Variants in SHC4 observed in about 807,000 individuals in gnomAD.
SHC4 encodes SHC-transforming protein 4.
SHC4 carries 41 observed loss-of-function variants against 69.4 expected under a neutral mutation model. The observed-to-expected ratio is 0.59, with a 90% confidence interval of 0.46 to 0.77. The LOEUF (loss-of-function observed/expected upper bound fraction) is 0.77. SHC4 is among the 30% of genes least tolerant of loss of function. SHC4 has a pLI of 0.00. For missense variants in SHC4, 777 were observed against 783.8 expected (o/e 0.99, Z 0.10); for synonymous variants, 318 against 299.3 (o/e 1.06, Z -0.64).
At chr15:48,845,487 A>C (rs1899070560) in intron 9 of SHC4, among the ~76,000 whole-genome samples, 1 of 152,194 alleles carries the variant, frequency 6.6e-6, no homozygotes. Flanking sequence ...TTGCTTAGTT[A>C]AGTGGATTTA....
chr15:48,847,234 T>C (rs1899111032), intron 9 of SHC4, among the ~76,000 whole-genome samples: 1 of 152,120 alleles, frequency 6.6e-6, no homozygotes, highest in Admixed American at 6.6e-5. Flanking sequence ...AGAGAAGATT[T>C]GTAGAGGAAA....
At chr15:48,941,700 T>G (rs1009289862) in intron 1 of SHC4, among the ~76,000 whole-genome samples, 1 of 152,200 alleles carries the variant, frequency 6.6e-6, no homozygotes, top group Non-Finnish European at 1.5e-5. Context: ...CTTTGAAAGT[T>G]GAAGATACAG....
chr15:48,895,824 T>G (rs1177380638), intron 2 of SHC4, among the ~76,000 whole-genome samples: 1 of 152,252 alleles, frequency 6.6e-6, no homozygotes, highest in East Asian at 1.9e-4. Context: ...GGCTCATGCC[T>G]GTAATCCCAC....
chr15:48,838,984 G>C (rs1165982567), intron 10 of SHC4, among the ~76,000 whole-genome samples: 1 of 151,878 alleles, frequency 6.6e-6, no homozygotes, highest in African/African-American at 2.4e-5. Flanking sequence ...AAAGCAAGTA[G>C]AAGGAAAACA....
chr15:48,859,832 G>T (rs1899406119), intron 6 of SHC4, among the ~76,000 whole-genome samples: 1 of 152,138 alleles, frequency 6.6e-6, no homozygotes, highest in African/African-American at 2.4e-5. Context: ...GACCTAAAAA[G>T]TACCCTTGGA....
At chr15:48,894,757 G>A (rs1321105156) in intron 2 of SHC4, among the ~76,000 whole-genome samples, 1 of 152,022 alleles carries the variant, frequency 6.6e-6, no homozygotes, top group Non-Finnish European at 1.5e-5. Flanking sequence ...TTCAGTGAAA[G>A]AACAGCCTCT....
At chr15:48,869,967 C>A (rs1382520183) in intron 5 of SHC4, among the ~76,000 whole-genome samples, 1 of 152,050 alleles carries the variant, frequency 6.6e-6, no homozygotes, top group African/African-American at 2.4e-5. Context: ...ATTTAAAGAA[C>A]TAAAGGCACA....
At chr15:48,954,792 T>C (rs1380281005) in intron 1 of SHC4, among the ~76,000 whole-genome samples, 1 of 152,204 alleles carries the variant, frequency 6.6e-6, no homozygotes, top group Non-Finnish European at 1.5e-5. Flanking sequence ...CCCTAGGCTA[T>C]TGAAATCCAT....
At chr15:48,842,966 C>T (rs886624397) in intron 10 of SHC4, among the ~76,000 whole-genome samples, 1 of 152,002 alleles carries the variant, frequency 6.6e-6, no homozygotes, top group Non-Finnish European at 1.5e-5. Context: ...AAATTCAAGC[C>T]CTAATCCCTG....
At chr15:48,841,842 C>T (rs1422134145) in intron 10 of SHC4, among the ~76,000 whole-genome samples, 3 of 152,232 alleles carry the variant, frequency 2.0e-5, no homozygotes, top group South Asian at 4.1e-4. Context: ...AAAGAGGGAT[C>T]ACTTGTCACC....
chr15:48,936,949 G>A (rs1156396596), intron 1 of SHC4, among the ~76,000 whole-genome samples: 1 of 152,124 alleles, frequency 6.6e-6, no homozygotes, highest in African/African-American at 2.4e-5. Flanking sequence ...CTTGAGCACA[G>A]ACAAAGTCAC....
chr15:48,912,642 T>C (rs1900529689), intron 2 of SHC4, among the ~76,000 whole-genome samples: 1 of 152,144 alleles, frequency 6.6e-6, no homozygotes, highest in South Asian at 2.1e-4. Flanking sequence ...ACTAGTGTGA[T>C]TTTTGGGTGG....
At chr15:48,894,140 T>C (rs1462996674) in intron 2 of SHC4, among the ~76,000 whole-genome samples, 1 of 152,108 alleles carries the variant, frequency 6.6e-6, no homozygotes, top group Non-Finnish European at 1.5e-5. Flanking sequence ...TATGAAGAAG[T>C]CTATATAAAT....
chr15:48,902,341 A>G (rs956890236), intron 2 of SHC4, among the ~76,000 whole-genome samples: 1 of 152,192 alleles, frequency 6.6e-6, no homozygotes, highest in African/African-American at 2.4e-5. Flanking sequence ...TCATGTGTAT[A>G]GTAACGGATG....
At chr15:48,882,741 C>G (rs574984625) in intron 4 of SHC4, among the ~76,000 whole-genome samples, 1 of 152,330 alleles carries the variant, frequency 6.6e-6, no homozygotes, top group East Asian at 1.9e-4. Flanking sequence ...GGCTCCTTTA[C>G]TTAGTGAGAT....
At chr15:48,826,235 C>G in intron 11 of SHC4, 109 bp from the exon 12 acceptor site, 1 of 1,035,038 alleles carries the variant, frequency 9.7e-7, no homozygotes, top group African/African-American at 1.7e-5. Flanking sequence ...AGATACTTTG[C>G]TGAAAAAAGA....
chr15:48,959,496 G>T (rs1196452611), intron 1 of SHC4, among the ~76,000 whole-genome samples: 1 of 152,176 alleles, frequency 6.6e-6, no homozygotes, highest in Non-Finnish European at 1.5e-5. Flanking sequence ...TAGCAAATAA[G>T]TTGGGGCAGG....
chr15:48,879,481 A>C (rs959894196), intron 4 of SHC4: 5 of 167,098 alleles, frequency 3.0e-5, no homozygotes, highest in African/African-American at 1.2e-4. Context: ...CTAGACACTA[A>C]ATGTGTGTGA....
At chr15:48,957,741 T>C (rs1368531015) in intron 1 of SHC4, among the ~76,000 whole-genome samples, 1 of 152,190 alleles carries the variant, frequency 6.6e-6, no homozygotes. Context: ...AACCTGTGAG[T>C]GTGACCTTCT....
Sources: gnomAD v4.1 joint callset for allele counts (sites outside exome capture counted in the v4.1 genomes callset) on GRCh38, gnomAD v4.1.1 for gene constraint, MANE v1.5 for transcripts, NCBI Gene and HGNC (gene_info 2026-07-23, HGNC 2026-07-21) for gene names.